ZFHX2: variants seen among roughly 807,000 people sequenced by gnomAD.
ZFHX2 encodes zinc finger homeobox 2.
Under a neutral mutation model 164.8 loss-of-function variants are expected in ZFHX2, and 75 were observed. The observed-to-expected ratio is 0.46, with a 90% CI of 0.38 to 0.55. ZFHX2 has a LOEUF of 0.55. ZFHX2 is among the 20% of genes least tolerant of loss of function. The probability of loss-of-function intolerance (pLI) is 0.00; values close to 1 mark genes in which losing one functional copy is unlikely to be tolerated. For missense variants in ZFHX2, 2,933 were observed against 3,308.0 expected, an observed-to-expected ratio of 0.89 and a Z score of 2.78; for synonymous variants, 1,217 against 1,351.4, an observed-to-expected ratio of 0.90 and a Z score of 2.18.
At position 23,521,418 on chromosome 14, in the gene ZFHX2, G is replaced by A. The variant is rs1877970435; in HGVS notation, c.*544C>T. The A allele has an allele frequency of 6.5e-6, 1 of 153,472 alleles. No homozygotes were observed. Among genetic ancestry groups the A allele is most frequent in the Admixed American group, 6.4e-5 (1 of 15,518 alleles). The allele number at this position is 153,472 out of a possible 1,614,324, so 9.5% of individuals were successfully genotyped here. A position where few individuals can be genotyped will look rare whatever the true frequency, so the allele number is the denominator to read the frequency against. On this transcript the variant is annotated 3_prime_UTR_variant, in exon 10 of 10. Coordinates refer to ENST00000419474, the MANE Select transcript of ZFHX2 (RefSeq NM_033400.3). ...TGAGCGGTGTGGTGCTCTAGACAAA[G>A]GGTTAGGAAGGAGAAGAGAGAGTGG...
rs1404099577 is a variant in ZFHX2, at chr14:23,535,267, G to A, written c.59C>T (p.Ala20Val). The A allele has an allele frequency of 6.7e-7, 1 of 1,499,888 alleles. No individual in the cohort carries two copies. The highest frequency in any genetic ancestry group is 1.3e-5 in the South Asian group (1 of 78,814). 92.9% of individuals were successfully genotyped at this position (1,499,888 alleles called of 1,614,324 possible). ...GAAGGTGTCCGAAGGCAGGGACGGG[G>A]CATTGTGCCCAGGGGAGGGGGTGGT... is the stretch of plus-strand genomic sequence containing the variant. ...TGTTPSPGHN[A>V]PSLPSDTFSS... The change falls in exon 2 of 10, where the codon GCC (alanine) becomes GTC (valine). Residue 20 changes from alanine to valine, a missense_variant. Physicochemically the swap from Ala to Val is moderately conservative, Grantham distance 64 (BLOSUM62 0). Coordinates refer to ENST00000419474, the MANE Select transcript of ZFHX2 (RefSeq NM_033400.3). The surrounding 1 kb of genome is among the most constrained non-coding windows in gnomAD (Gnocchi z 4.5).
At chr14:23,545,083 C>T (rs897527705) in intron 1 of ZFHX2, among the ~76,000 whole-genome samples, 1 of 152,286 alleles carries the variant, frequency 6.6e-6, no homozygotes, top group South Asian at 2.1e-4. Context: ...TTTCTCCATC[C>T]TCTTTTCCTT....
At chr14:23,536,276 G>A (rs1880133698) in intron 1 of ZFHX2, among the ~76,000 whole-genome samples, 1 of 152,190 alleles carries the variant, frequency 6.6e-6, no homozygotes, top group Non-Finnish European at 1.5e-5. Flanking sequence ...AACAATGCCT[G>A]CCACAGTCAG....
chr14:23,537,187 C>T (rs923686321), intron 1 of ZFHX2, among the ~76,000 whole-genome samples: 1 of 151,982 alleles, frequency 6.6e-6, no homozygotes, highest in African/African-American at 2.4e-5. Context: ...AATGAGGATT[C>T]CTGGGCTGCC....
At chr14:23,545,344 C>T (rs988092995) in intron 1 of ZFHX2, among the ~76,000 whole-genome samples, 1 of 152,208 alleles carries the variant, frequency 6.6e-6, no homozygotes, top group African/African-American at 2.4e-5. Context: ...CACTCGTCCG[C>T]CCTCCTCAGC....
At chr14:23,555,094 T>G (rs1882252462), upstream of ZFHX2, among the ~76,000 whole-genome samples, 1 of 152,140 alleles carries the variant, frequency 6.6e-6, no homozygotes, top group Non-Finnish European at 1.5e-5. Context: ...TTCAAGCAAT[T>G]CTCATGCCTC....
rs1473548387 is a variant in ZFHX2 at position 23,551,754 on chromosome 14, A to T, written c.-461T>A. The T allele has an allele frequency of 6.6e-6, 1 of 152,472 alleles. No individual in the cohort carries two copies. Among genetic ancestry groups the T allele is most frequent in the Non-Finnish European group, 1.5e-5 (1 of 68,236 alleles). 9.4% of individuals were successfully genotyped at this position (152,472 alleles called of 1,614,324 possible). A position where few individuals can be genotyped will look rare whatever the true frequency, so the allele number is the denominator to read the frequency against. ...TCACTGGCTGGAGTCTAGGCGTCCCACACAATGGAATAATCAATACCCAGG... is the reference window on the plus strand; with the variant it reads ...TCACTGGCTGGAGTCTAGGCGTCCCTCACAATGGAATAATCAATACCCAGG... On this transcript the variant is annotated 5_prime_UTR_variant, in exon 1 of 10. Coordinates refer to ENST00000419474, the MANE Select transcript of ZFHX2 (RefSeq NM_033400.3). This position sits in a 1 kb window ranked among gnomAD's most constrained non-coding sequence, Gnocchi z 5.3.
At chr14:23,550,412 A>G (rs978773043) in intron 1 of ZFHX2, among the ~76,000 whole-genome samples, 3 of 152,228 alleles carry the variant, frequency 2.0e-5, no homozygotes, top group African/African-American at 7.2e-5. Context: ...ATGGAATCCT[A>G]GACCGACAGA....
upstream of ZFHX2, among the ~76,000 whole-genome samples, chr14:23,552,651 C>A (rs1453196607): frequency 2.0e-5 from 3 of 151,450 alleles, no homozygotes; most frequent in Non-Finnish European, 2.9e-5. Flanking sequence ...GCCCAGGCTG[C>A]AGTGCAGTGG....
At chr14:23,539,780 C>T (rs375442898) in intron 1 of ZFHX2, among the ~76,000 whole-genome samples, 89 of 152,316 alleles carry the variant, frequency 5.8e-4, no homozygotes, top group African/African-American at 2.0e-3. Flanking sequence ...GGAAACACTA[C>T]TGCTCCCTAG....
Position 23,523,154 on chromosome 14 carries a change from A to G in ZFHX2, c.6739+49T>C, listed in dbSNP as rs1878257885. The G allele has an allele frequency of 1.4e-6, 2 of 1,409,760 alleles. No individual in the cohort carries two copies. Among genetic ancestry groups the G allele is most frequent in the East Asian group, 2.6e-5 (1 of 38,398 alleles). 87.3% of individuals were successfully genotyped at this position (1,409,760 alleles called of 1,614,324 possible). ...GAAGGAAAAGGAAGGGCATGTCATT[A>G]GAGGGGGATGTTCTCTGAAGTCCAG... On this transcript the variant is annotated intron_variant, in intron 9 of 9. Coordinates refer to ENST00000419474, the MANE Select transcript of ZFHX2 (RefSeq NM_033400.3). The surrounding 1 kb of genome is among the most constrained non-coding windows in gnomAD (Gnocchi z 4.1).
chr14:23,529,789 G>C (rs1879289310), intron 5 of ZFHX2, 21 bp from the exon 6 acceptor site: 1 of 1,535,710 alleles, frequency 6.5e-7, no homozygotes, highest in Non-Finnish European at 8.7e-7. Context: ...AAGAAGAGGA[G>C]ATTAAGGAAC....
At position 23,532,721 on chromosome 14, in the gene ZFHX2, G is replaced by T; in HGVS notation, c.2405C>A (p.Pro802His). The T allele has an allele frequency of 6.5e-7, 1 of 1,535,316 alleles. No individual in the cohort carries two copies. Among genetic ancestry groups the T allele is most frequent in the Non-Finnish European group, 8.7e-7 (1 of 1,146,426 alleles). ...LREGGGAMGT[P>H]SPASLGDGAP... is the part of the protein sequence containing the mutation. ...CCCATCTCCCAGGGATGCTGGGGAA[G>T]GGGTGCCCATGGCTCCACCCCCCTC... Residue 802 changes from proline to histidine, a missense_variant, in exon 3 of 10, where the codon CCT (proline) becomes CAT (histidine). Pro to His is a moderately conservative substitution (Grantham distance 77, BLOSUM62 -2). Coordinates refer to ENST00000419474, the MANE Select transcript of ZFHX2 (RefSeq NM_033400.3).
upstream of ZFHX2, among the ~76,000 whole-genome samples, chr14:23,553,969 C>T (rs568547960): frequency 5.4e-5 from 7 of 129,498 alleles, no homozygotes; most frequent in South Asian, 5.4e-4. Context: ...GAGGCTGAGG[C>T]GGGAGAATCA....
chr14:23,543,092 T>C (rs1881004212), intron 1 of ZFHX2: 1 of 152,220 alleles, frequency 6.6e-6, no homozygotes, highest in African/African-American at 2.4e-5. Flanking sequence ...TGTGAACCTG[T>C]GTGATGTAAT....
chr14:23,536,085 T>TGAGG (rs1880113450), intron 1 of ZFHX2, among the ~76,000 whole-genome samples: 1 of 152,088 alleles, frequency 6.6e-6, no homozygotes, highest in East Asian at 1.9e-4. Context: ...ACTAACACCA[T>TGAGG]CCTGGGGCCC....
Position 23,522,099 on chromosome 14 carries a change from C to G in ZFHX2, c.7582G>C (p.Gly2528Arg). The G allele has an allele frequency of 6.5e-7, 1 of 1,535,454 alleles. No individual in the cohort carries two copies. Among genetic ancestry groups the G allele is most frequent in the Non-Finnish European group, 8.7e-7 (1 of 1,146,424 alleles). ...AHRRKAAPPQ[G>R]GPPISITNAA... ...TTGGTGATGGAGATGGGTGGGCCCC[C>G]TTGAGGTGGGGCTGCCTTGCGCCTG... The change falls in exon 10 of 10, where the codon GGG becomes CGG. Residue 2528 changes from glycine to arginine, a missense_variant. Gly to Arg is a moderately radical substitution (Grantham distance 125). Transcript: ENST00000419474.
Position 23,523,559 on chromosome 14 carries a change from G to A in ZFHX2, c.6383C>T (p.Thr2128Ile), listed in dbSNP as rs1353979512. ...GCTGCCCCCAGTGCTCCCAGCGGCT[G>A]TCCCCTGTAGTTTGGCCTTCTTTTC... ...AKEKKAKLQGTAAGSTGGSSE... is the reference protein window; with the variant it reads ...AKEKKAKLQGIAAGSTGGSSE... The change falls in exon 9 of 10, where the codon ACA (threonine) becomes ATA (isoleucine). Residue 2128 changes from threonine to isoleucine, a missense_variant. Coordinates refer to ENST00000419474, the MANE Select transcript of ZFHX2 (RefSeq NM_033400.3). The surrounding 1 kb of genome is among the most constrained non-coding windows in gnomAD (Gnocchi z 4.1). The A allele has an allele frequency of 6.5e-7, 1 of 1,538,210 alleles. No individual in the cohort carries two copies. The highest frequency in any genetic ancestry group is 2.4e-5 in the East Asian group (1 of 41,190).
At chr14:23,540,231 T>A (rs1880650370) in intron 1 of ZFHX2, among the ~76,000 whole-genome samples, 1 of 152,234 alleles carries the variant, frequency 6.6e-6, no homozygotes, top group Non-Finnish European at 1.5e-5. Context: ...GCTAAAGCAA[T>A]CTGCCCGCTT....
Sources: allele counts gnomAD v4.1 joint callset (sites outside exome capture counted in the v4.1 genomes callset), GRCh38; gene constraint gnomAD v4.1.1; non-coding constraint Gnocchi (gnomAD v3.1); transcripts MANE v1.5; gene names NCBI Gene and HGNC (gene_info 2026-07-23, HGNC 2026-07-21).